The following TRAP1 variants were observed in gnomAD, a reference collection of about 807,000 sequenced individuals.
TRAP1 encodes heat shock protein 75 kDa, mitochondrial.
Under a neutral mutation model 89.1 loss-of-function variants are expected in TRAP1, and 102 were observed. The ratio of observed to expected loss-of-function variants is 1.15; its 90% CI spans 0.98 to 1.35. The LOEUF is 1.35. Ranked by LOEUF, TRAP1 falls within the 40% of genes most tolerant of loss-of-function variation. The probability of loss-of-function intolerance (pLI) is 0.00; values close to 1 mark genes in which losing one functional copy is unlikely to be tolerated. For synonymous variants in TRAP1, 508 were observed against 388.0 expected (o/e 1.31, Z -3.64); for missense variants, 1,256 against 945.3 (o/e 1.33, Z -4.31).
Position 3,671,650 on chromosome 16 carries a change from C to A in TRAP1, c.1235+72G>T. The A allele has an allele frequency of 2.6e-6, 4 of 1,532,458 alleles. No homozygotes were observed. The South Asian group carries it at 4.6e-5, about 18-fold the overall frequency. 94.9% of individuals were successfully genotyped at this position (1,532,458 alleles called of 1,614,324 possible). A position where few individuals can be genotyped will look rare whatever the true frequency, so the allele number is the denominator to read the frequency against. On this transcript the variant is annotated intron_variant, in intron 11 of 17. Coordinates refer to ENST00000246957, the MANE Select transcript of TRAP1 (RefSeq NM_016292.3). ...TCAGCTCCATGGGCCACGGCTAGGG[C>A]CCTCTGGGGGCAAAGGAGCAGGTAG...
chr16:3,675,448 C>G (rs370482070), intron 7 of TRAP1, 51 bp from the exon 8 acceptor site: 3 of 1,587,572 alleles, frequency 1.9e-6, no homozygotes, highest in Non-Finnish European at 2.6e-6. Flanking sequence ...CTTGTGGAAA[C>G]GCAAGCTTTG....
Position 3,662,027 on chromosome 16 carries a change from G to T in TRAP1, c.1900C>A (p.Arg634Ser). 3.7e-6 allele frequency: 6 copies of T among 1,612,958 alleles called. No individual in the cohort carries two copies. The highest frequency in any genetic ancestry group is 1.7e-4 in the Middle Eastern group (1 of 6,060). ...MQQLAKTQEE[R>S]AQLLQPTLEI... is the part of the protein sequence containing the mutation. ...AGCGTGGGCTGCAGGAGCTGTGCGC[G>T]CTCCTCCTGGGTCTTGGCCAGCTGC... The change falls in exon 16 of 18, where the codon CGC (arginine) becomes AGC (serine). Residue 634 changes from arginine to serine, a missense_variant. By Grantham distance (110) the Arg-to-Ser change is moderately radical. Transcript: ENST00000246957.
intron 7 of TRAP1, 126 bp downstream of exon 7, chr16:3,675,910 C>T (rs944108091): frequency 3.5e-5 from 28 of 789,048 alleles, no homozygotes; most frequent in African/African-American, 3.5e-5. Flanking sequence ...CGCAGCGGCT[C>T]GGCCCTTCAC....
At chr16:3,664,169 C>T (rs1596695281) in intron 13 of TRAP1, 105 bp downstream of exon 13, 3 of 1,261,992 alleles carry the variant, frequency 2.4e-6, no homozygotes, top group Admixed American at 5.9e-5. Context: ...CACTGTGCAG[C>T]CCTGCCCGGA....
intron 12 of TRAP1, 130 bp from the exon 13 acceptor site, chr16:3,664,589 G>T: frequency 1.0e-6 from 1 of 974,780 alleles, no homozygotes; most frequent in Non-Finnish European, 1.5e-6. Context: ...CCGAGGGACG[G>T]TAGTGGACTC....
chr16:3,664,712 C>T (rs930804167), intron 12 of TRAP1: 13 of 461,624 alleles, frequency 2.8e-5, no homozygotes, highest in Non-Finnish European at 4.2e-5. Context: ...CAGGGAGCTA[C>T]GCGCACCACG....
chr16:3,673,497 G>A (rs1235890269), intron 9 of TRAP1, among the ~76,000 whole-genome samples: 1 of 152,206 alleles, frequency 6.6e-6, no homozygotes, highest in Admixed American at 6.5e-5. Flanking sequence ...AAATGCGGCG[G>A]GTATCTAGTT....
rs886965826 is a variant in TRAP1 at position 3,701,488 on chromosome 16, T to C, written c.89-10503A>G. ...GAATCGCTTGAACCCGAGGCAGAGGTTGCAGTGAGCTGAGATCGCGCCCCT... is the reference window on the plus strand; with the variant it reads ...GAATCGCTTGAACCCGAGGCAGAGGCTGCAGTGAGCTGAGATCGCGCCCCT... On this transcript the variant is annotated intron_variant, in intron 1 of 17. Coordinates refer to ENST00000246957, the MANE Select transcript of TRAP1 (RefSeq NM_016292.3). Among the ~76,000 whole-genome samples the C allele has an allele frequency of 2.0e-5, 3 of 149,612 alleles. 1 individual carries two copies. The highest frequency in any genetic ancestry group is 7.4e-5 in the African/African-American group (3 of 40,452).
At chr16:3,658,918 CT>C (rs558463751) in intron 16 of TRAP1, 53 bp from the exon 17 acceptor site, 1 of 1,578,014 alleles carries the variant, frequency 6.3e-7, no homozygotes, top group Non-Finnish European at 8.7e-7. Context: ...TGCTGTGACC[CT>C]CCCTTCATGT....
chr16:3,709,124 C>G (rs937079930), intron 1 of TRAP1, among the ~76,000 whole-genome samples: 3 of 149,076 alleles, frequency 2.0e-5, no homozygotes, highest in African/African-American at 5.0e-5. Flanking sequence ...CCGACACTGT[C>G]TCAATTTTTA....
At chr16:3,698,270 T>C (rs2051317094) in intron 1 of TRAP1, among the ~76,000 whole-genome samples, 1 of 151,864 alleles carries the variant, frequency 6.6e-6, no homozygotes, top group African/African-American at 2.4e-5. Flanking sequence ...ATTGACAGCA[T>C]TCTTAAAAGC....
intron 13 of TRAP1, 116 bp from the exon 14 acceptor site, chr16:3,663,678 C>G: frequency 7.3e-7 from 1 of 1,374,402 alleles, no homozygotes; most frequent in Admixed American, 2.2e-5. Flanking sequence ...TGGGGAACAC[C>G]GGGGCAGTTG....
intron 7 of TRAP1, among the ~76,000 whole-genome samples, chr16:3,675,610 G>A (rs2050979982): frequency 6.6e-6 from 1 of 152,126 alleles, no homozygotes; most frequent in Non-Finnish European, 1.5e-5. Context: ...CCAGAGCTGT[G>A]GAGGCCCCGG....
chr16:3,716,836 C>A (rs907421703), intron 1 of TRAP1, among the ~76,000 whole-genome samples: 9 of 152,226 alleles, frequency 5.9e-5, no homozygotes, highest in African/African-American at 2.2e-4. Flanking sequence ...TCAACGACAT[C>A]GAGTCCACCT....
At chr16:3,702,850 C>A in intron 1 of TRAP1, among the ~76,000 whole-genome samples, 1 of 151,430 alleles carries the variant, frequency 6.6e-6, no homozygotes, top group South Asian at 2.1e-4. Context: ...TGAGACCAGC[C>A]TGACCAACAT....
intron 1 of TRAP1, among the ~76,000 whole-genome samples, chr16:3,704,831 T>C (rs565278384): frequency 3.3e-5 from 5 of 151,910 alleles, no homozygotes; most frequent in African/African-American, 9.7e-5. Flanking sequence ...CTGGGCAACA[T>C]AGCAAGACCA....
At chr16:3,697,289 G>C (rs2051301741) in intron 1 of TRAP1, among the ~76,000 whole-genome samples, 1 of 151,962 alleles carries the variant, frequency 6.6e-6, no homozygotes, top group Non-Finnish European at 1.5e-5. Flanking sequence ...TTTTTGTTAA[G>C]GGACTGTTGG....
intron 4 of TRAP1, 77 bp downstream of exon 4, chr16:3,685,919 G>C: frequency 6.5e-7 from 1 of 1,535,644 alleles, no homozygotes; most frequent in Non-Finnish European, 8.8e-7. Flanking sequence ...CCTGGGACCC[G>C]AGACATCACT....
intron 3 of TRAP1, 146 bp from the exon 4 acceptor site, chr16:3,686,282 G>T (rs890317373): frequency 2.0e-6 from 2 of 996,568 alleles, no homozygotes; most frequent in Non-Finnish European, 2.9e-6. Context: ...TTTAGTCAAA[G>T]GCAGTTCCTC....
Sources: gnomAD v4.1 joint callset for allele counts (sites outside exome capture counted in the v4.1 genomes callset) on GRCh38, gnomAD v4.1.1 for gene constraint, MANE v1.5 for transcripts, NCBI Gene and HGNC (gene_info 2026-07-23, HGNC 2026-07-21) for gene names.